Variants in MFHAS1 observed in about 807,000 individuals in gnomAD.
MFHAS1 encodes the protein multifunctional ROCO family signaling regulator 1, also known as malignant fibrous histiocytoma-amplified sequence 1.
Under a neutral mutation model 70.4 loss-of-function variants are expected in MFHAS1, and 50 were observed. That is an observed-to-expected ratio of 0.71 (90% CI 0.57 to 0.90). The LOEUF is 0.90. Among genes scored for constraint, MFHAS1 ranks in the 40% least tolerant of loss-of-function variants. MFHAS1 has a pLI of 0.00. For missense variants in MFHAS1, 1,795 were observed against 1,347.6 expected (o/e 1.33, Z -5.20); for synonymous variants, 952 against 620.0 (o/e 1.54, Z -7.96).
At position 8,892,184 on chromosome 8, in the gene MFHAS1, A is replaced by G. The variant is rs1810084988; in HGVS notation, c.875T>C (p.Leu292Pro). ...SNLFEEFPAA[L>P]LPLAGLEELY... Reference sequence around the variant, plus strand: ...CTCCTCCAGACCAGCCAGGGGCAGCAGCGCGGCAGGGAACTCCTCGAAGAG... The same window carrying G: ...CTCCTCCAGACCAGCCAGGGGCAGCGGCGCGGCAGGGAACTCCTCGAAGAG... Residue 292 changes from leucine (L) to proline (P), a missense_variant, in exon 1 of 3, where the codon CTG (leucine) becomes CCG (proline). Leu to Pro is a moderately conservative substitution (Grantham distance 98, BLOSUM62 -3). Coordinates refer to ENST00000276282, the MANE Select transcript of MFHAS1 (RefSeq NM_004225.3). This position sits in a 1 kb window ranked among gnomAD's most constrained non-coding sequence, Gnocchi z 4.7. 1 of 1,610,248 alleles carries G rather than the reference A, an allele frequency of 6.2e-7. No homozygotes were observed. The highest frequency in any genetic ancestry group is 1.3e-5 in the African/African-American group (1 of 74,942).
intron 1 of MFHAS1, among the ~76,000 whole-genome samples, chr8:8,836,652 A>G (rs1313680258): frequency 6.6e-6 from 1 of 152,180 alleles, no homozygotes; most frequent in Non-Finnish European, 1.5e-5. Flanking sequence ...TGTTGAGATT[A>G]AATGCATGAG....
intron 1 of MFHAS1, among the ~76,000 whole-genome samples, chr8:8,854,883 T>C (rs1366599167): frequency 6.6e-6 from 1 of 152,098 alleles, no homozygotes; most frequent in Non-Finnish European, 1.5e-5. Context: ...CCTGTTTTTT[T>C]GGTTTTGGGT....
At chr8:8,872,038 C>T (rs1479524089) in intron 1 of MFHAS1, among the ~76,000 whole-genome samples, 1 of 152,142 alleles carries the variant, frequency 6.6e-6, no homozygotes. Context: ...GAAGAGGAGG[C>T]TAAGGCAAAA....
chr8:8,819,608 CA>C (rs201326485), intron 1 of MFHAS1, among the ~76,000 whole-genome samples: 2,520 of 91,242 alleles, frequency 0.028, 94 homozygotes, highest in East Asian at 0.26. Context: ...CAACTCAAAA[CA>C]AAAAAAAAAA....
At chr8:8,841,160 C>T (rs543719280) in intron 1 of MFHAS1, among the ~76,000 whole-genome samples, 4 of 152,122 alleles carry the variant, frequency 2.6e-5, no homozygotes, top group African/African-American at 7.2e-5. Flanking sequence ...CTAAAAATAC[C>T]GATGGCGGGC....
At chr8:8,815,132 C>G (rs1019735033) in intron 1 of MFHAS1, among the ~76,000 whole-genome samples, 2 of 152,168 alleles carry the variant, frequency 1.3e-5, no homozygotes, top group African/African-American at 4.8e-5. Context: ...TTTTCTGTTC[C>G]TGTGTTAGTT....
At chr8:8,871,635 G>T (rs1167386497) in intron 1 of MFHAS1, among the ~76,000 whole-genome samples, 1 of 152,188 alleles carries the variant, frequency 6.6e-6, no homozygotes, top group African/African-American at 2.4e-5. Context: ...GATAGCAGGT[G>T]TAAATGCTTG....
At chr8:8,795,583 T>C (rs946952869) in intron 2 of MFHAS1, among the ~76,000 whole-genome samples, 22 of 152,340 alleles carry the variant, frequency 1.4e-4, no homozygotes, top group Admixed American at 8.5e-4. Flanking sequence ...CCAGCAAGGA[T>C]AGATTAGGGA....
At chr8:8,788,003 T>C (rs769813039) in intron 2 of MFHAS1, among the ~76,000 whole-genome samples, 2 of 152,340 alleles carry the variant, frequency 1.3e-5, no homozygotes, top group Middle Eastern at 3.4e-3. Flanking sequence ...AAACTTGTCC[T>C]CCTTCTTCAA....
chr8:8,810,161 G>A (rs1806494245), intron 1 of MFHAS1, among the ~76,000 whole-genome samples: 1 of 152,200 alleles, frequency 6.6e-6, no homozygotes, highest in Non-Finnish European at 1.5e-5. Flanking sequence ...GAGACCAGAA[G>A]TTCGAGACCA....
intron 1 of MFHAS1, among the ~76,000 whole-genome samples, chr8:8,882,231 C>A (rs1319813516): frequency 6.6e-6 from 1 of 151,818 alleles, no homozygotes; most frequent in Non-Finnish European, 1.5e-5. Flanking sequence ...AAAAAAAACA[C>A]ACACAAAAAT....
chr8:8,841,223 C>G (rs1359455870), intron 1 of MFHAS1, among the ~76,000 whole-genome samples: 1 of 152,166 alleles, frequency 6.6e-6, no homozygotes, highest in Non-Finnish European at 1.5e-5. Context: ...AACCGTAATC[C>G]TAGCACTTTG....
At chr8:8,821,406 G>A (rs753285519) in intron 1 of MFHAS1, among the ~76,000 whole-genome samples, 7 of 152,174 alleles carry the variant, frequency 4.6e-5, no homozygotes, top group Non-Finnish European at 7.3e-5. Flanking sequence ...TACAAAGATC[G>A]AAGATCGGCA....
chr8:8,828,131 G>A (rs527435610), intron 1 of MFHAS1, among the ~76,000 whole-genome samples: 6 of 152,240 alleles, frequency 3.9e-5, no homozygotes, highest in Admixed American at 1.3e-4. Context: ...CCCTACCTTC[G>A]AGAATGTTTC....
chr8:8,868,020 C>T (rs1808927974), intron 1 of MFHAS1, among the ~76,000 whole-genome samples: 1 of 152,054 alleles, frequency 6.6e-6, no homozygotes, highest in African/African-American at 2.4e-5. Context: ...TCCTCTTTCT[C>T]GCCTGAACTT....
intron 1 of MFHAS1, among the ~76,000 whole-genome samples, chr8:8,886,471 T>C (rs916012742): frequency 2.0e-5 from 3 of 152,160 alleles, no homozygotes; most frequent in African/African-American, 4.8e-5. Context: ...CGCTGCCCAT[T>C]ACTTTTCTTG....
At chr8:8,798,089 A>C (rs1271262198) in intron 1 of MFHAS1, among the ~76,000 whole-genome samples, 1 of 152,222 alleles carries the variant, frequency 6.6e-6, no homozygotes, top group Non-Finnish European at 1.5e-5. Context: ...GCAAAAACAC[A>C]TAATTAACCT....
intron 2 of MFHAS1, among the ~76,000 whole-genome samples, chr8:8,792,467 G>A (rs912904104): frequency 1.3e-5 from 2 of 152,098 alleles, no homozygotes; most frequent in African/African-American, 4.8e-5. Flanking sequence ...TTAGCTAGGT[G>A]CAGTGGCGTG....
chr8:8,804,903 C>G (rs778126587), intron 1 of MFHAS1, among the ~76,000 whole-genome samples: 6 of 152,220 alleles, frequency 3.9e-5, no homozygotes, highest in African/African-American at 1.2e-4. Context: ...TGGCAGAAGA[C>G]GATCGTCCTG....
Sources: allele counts gnomAD v4.1 joint callset (sites outside exome capture counted in the v4.1 genomes callset), GRCh38; gene constraint gnomAD v4.1.1; non-coding constraint Gnocchi (gnomAD v3.1); transcripts MANE v1.5; gene names NCBI Gene and HGNC (gene_info 2026-07-23, HGNC 2026-07-21).